MGAT4C: variants seen among roughly 807,000 people sequenced by gnomAD.
MGAT4C encodes the protein alpha-1,3-mannosyl-glycoprotein 4-beta-N-acetylglucosaminyltransferase C.
A neutral mutation model predicts 40.1 loss-of-function variants in MGAT4C; 19 were observed. The observed-to-expected ratio is 0.47, with a 90% CI of 0.33 to 0.70. The LOEUF is 0.70. MGAT4C is among the 30% of genes least tolerant of loss of function. The probability of loss-of-function intolerance (pLI) is 0.02; values close to 1 mark genes in which losing one functional copy is unlikely to be tolerated. For synonymous variants in MGAT4C, 181 were observed against 187.1 expected (o/e 0.97, Z 0.27); for missense variants, 491 against 563.2 (o/e 0.87, Z 1.30).
intron 1 of MGAT4C, among the ~76,000 whole-genome samples, chr12:86,161,528 T>C (rs1373427329): frequency 6.6e-6 from 1 of 152,116 alleles, no homozygotes; most frequent in Non-Finnish European, 1.5e-5. Flanking sequence ...ACGATTTAAA[T>C]GTTAAAACCT....
At chr12:86,660,392 G>A (rs1281452051) in intron 2 of MGAT4C, among the ~76,000 whole-genome samples, 1 of 152,098 alleles carries the variant, frequency 6.6e-6, no homozygotes, top group Middle Eastern at 3.2e-3. Flanking sequence ...AAGATTCAAA[G>A]AGATTTTCAG....
intron 3 of MGAT4C, among the ~76,000 whole-genome samples, chr12:86,337,594 A>AC (rs1270353036): frequency 6.6e-6 from 1 of 151,894 alleles, no homozygotes; most frequent in African/African-American, 2.4e-5. Flanking sequence ...CTCAAAAAAA[A>AC]AAAAAAAAAA....
intron 2 of MGAT4C, among the ~76,000 whole-genome samples, chr12:86,615,951 T>C (rs1378299192): frequency 6.6e-6 from 1 of 152,042 alleles, no homozygotes; most frequent in Non-Finnish European, 1.5e-5. Context: ...TTATTACCAA[T>C]AGAGTATTTA....
intron 2 of MGAT4C, among the ~76,000 whole-genome samples, chr12:86,566,221 C>T (rs950294814): frequency 6.6e-6 from 1 of 151,712 alleles, no homozygotes; most frequent in Non-Finnish European, 1.5e-5. Flanking sequence ...GATGGTGTTG[C>T]CAAAGGAGAT....
Position 86,508,291 on chromosome 12 carries a change from G to A in MGAT4C, c.-228-73026C>T, listed in dbSNP as rs776891328. On this transcript the variant is annotated intron_variant, in intron 2 of 7. Transcript: ENST00000548651. The stretch of plus-strand genomic sequence containing the variant: ...TTCTCATTGTTCAATTCCCACCTAT[G>A]AGTGAGAACATGCGGTGTTTGGTTT... 1.3e-5 allele frequency among the ~76,000 whole-genome samples: 2 copies of A among 151,830 alleles called. 1 individual carries two copies. The highest frequency in any genetic ancestry group is 2.9e-5 in the Non-Finnish European group (2 of 67,972).
At chr12:86,805,115 TA>T (rs1448537165) in intron 1 of MGAT4C, among the ~76,000 whole-genome samples, 14 of 152,208 alleles carry the variant, frequency 9.2e-5, no homozygotes, top group African/African-American at 3.1e-4. Context: ...TGTTTATGAA[TA>T]CTAGTTTTCA....
At chr12:86,589,081 A>C (rs961243505) in intron 2 of MGAT4C, among the ~76,000 whole-genome samples, 1 of 151,436 alleles carries the variant, frequency 6.6e-6, no homozygotes, top group East Asian at 1.9e-4. Context: ...ATAGAGACAC[A>C]AAAAACCCTT....
intron 2 of MGAT4C, among the ~76,000 whole-genome samples, chr12:86,672,929 A>T (rs1964297174): frequency 6.6e-6 from 1 of 152,132 alleles, no homozygotes; most frequent in African/African-American, 2.4e-5. Flanking sequence ...ATTTAGATTT[A>T]AAAAGAAAGA....
Position 86,697,216 on chromosome 12 carries a change from C to T in MGAT4C, c.-229+29993G>A, listed in dbSNP as rs113378424. ...ATACATAAAATTTCCTAAATATATTCGCTAAAGTAGAGATTACATGCAATA... is the reference window on the plus strand; with the variant it reads ...ATACATAAAATTTCCTAAATATATTTGCTAAAGTAGAGATTACATGCAATA... On this transcript the variant is annotated intron_variant, in intron 2 of 7. Transcript: ENST00000548651. Among the ~76,000 whole-genome samples, 128 of 152,000 alleles carry T rather than the reference C, an allele frequency of 8.4e-4. 2 individuals carry two copies. The highest frequency in any genetic ancestry group is 2.9e-3 in the African/African-American group (122 of 41,470).
At chr12:86,126,687 A>C (rs1880325192) in intron 1 of MGAT4C, among the ~76,000 whole-genome samples, 1 of 152,324 alleles carries the variant, frequency 6.6e-6, no homozygotes, top group Non-Finnish European at 1.5e-5. Flanking sequence ...TAAAAATAAT[A>C]GCAGATATAT....
In MGAT4C at chr12:86,364,567, C is replaced by T. The variant is rs73389329; in HGVS notation, c.-119-30440G>A. Among the ~76,000 whole-genome samples, 510 of 152,212 alleles carry T rather than the reference C, an allele frequency of 3.4e-3. 2 individuals carry two copies. Among genetic ancestry groups the T allele is most frequent in the African/African-American group, 0.012 (485 of 41,548 alleles). On this transcript the variant is annotated intron_variant, in intron 3 of 7. Transcript: ENST00000548651. ...ATTGAATAGGGAATCCTCTCCCTAT[C>T]GGGGGAAATTCAGCCAGATATTGGG...
intron 3 of MGAT4C, among the ~76,000 whole-genome samples, chr12:86,353,336 G>C (rs1442506630): frequency 6.6e-6 from 1 of 152,106 alleles, no homozygotes; most frequent in Non-Finnish European, 1.5e-5. Flanking sequence ...TAAACATCTA[G>C]AGACTCTGAA....
At chr12:86,613,928 A>G (rs1193397554) in intron 2 of MGAT4C, among the ~76,000 whole-genome samples, 2 of 152,132 alleles carry the variant, frequency 1.3e-5, no homozygotes, top group African/African-American at 4.8e-5. Context: ...ATTGAAAGAC[A>G]TAAAAACACA....
chr12:86,678,257 T>A (rs1949903720), intron 2 of MGAT4C, among the ~76,000 whole-genome samples: 1 of 152,066 alleles, frequency 6.6e-6, no homozygotes, highest in Admixed American at 6.6e-5. Context: ...CCATCCTACA[T>A]GAGCCTAAGA....
At chr12:86,125,355 G>C (rs1880065184) in intron 1 of MGAT4C, among the ~76,000 whole-genome samples, 1 of 152,074 alleles carries the variant, frequency 6.6e-6, no homozygotes, top group African/African-American at 2.4e-5. Context: ...AGGGAAAAAA[G>C]GTATAGCAAA....
intron 1 of MGAT4C, among the ~76,000 whole-genome samples, chr12:86,793,131 A>G (rs975206217): frequency 6.6e-6 from 1 of 152,166 alleles, no homozygotes; most frequent in African/African-American, 2.4e-5. Context: ...AATCATTTAT[A>G]TCTGACATTC....
rs1286170130 is a variant in MGAT4C at position 85,966,061 on chromosome 12, TTTATA to T, written c.*13223_*13227del. 4 of 152,148 alleles carry T rather than the reference TTTATA, an allele frequency of 2.6e-5. No homozygotes were observed. The highest frequency in any genetic ancestry group is 9.7e-5 in the African/African-American group (4 of 41,450). 9.4% of individuals were successfully genotyped at this position (152,148 alleles called of 1,614,324 possible). A position where few individuals can be genotyped will look rare whatever the true frequency, so the allele number is the denominator to read the frequency against. Reference sequence around the variant, plus strand: ...GCATTATTTTCCTATTATGAGACATTTTATATTATGGTTATTTACTGTAATTGCAT... The same window carrying T: ...GCATTATTTTCCTATTATGAGACATTTTATGGTTATTTACTGTAATTGCAT... On this transcript the variant is annotated 3_prime_UTR_variant, in exon 5 of 5. Coordinates refer to ENST00000611864, the MANE Select transcript of MGAT4C (RefSeq NM_001351288.2).
At chr12:86,704,564 G>T (rs2136620667) in intron 2 of MGAT4C, among the ~76,000 whole-genome samples, 1 of 152,148 alleles carries the variant, frequency 6.6e-6, no homozygotes, top group African/African-American at 2.4e-5. Context: ...TAACATATGA[G>T]GGAGAAAGAA....
At chr12:86,296,396 G>A (rs1208156397) in intron 4 of MGAT4C, among the ~76,000 whole-genome samples, 2 of 30,692 alleles carry the variant, frequency 6.5e-5, no homozygotes, top group African/African-American at 1.4e-4. Context: ...CCCGTGCCAT[G>A]CGCTCGCACT....
Sources: allele counts gnomAD v4.1 joint callset (sites outside exome capture counted in the v4.1 genomes callset), GRCh38; gene constraint gnomAD v4.1.1; transcripts MANE v1.5; gene names NCBI Gene and HGNC (gene_info 2026-07-23, HGNC 2026-07-21).